CDC42BPA: variants seen among roughly 807,000 people sequenced by gnomAD.
CDC42BPA encodes the protein CDC42 binding protein kinase alpha, also known as serine/threonine-protein kinase MRCK alpha.
Under a neutral mutation model 223.5 loss-of-function variants are expected in CDC42BPA, and 80 were observed. The observed-to-expected ratio is 0.36, with a 90% CI of 0.30 to 0.43. The LOEUF (loss-of-function observed/expected upper bound fraction) is 0.43. Among genes scored for constraint, CDC42BPA ranks in the 20% least tolerant of loss-of-function variants. CDC42BPA has a pLI of 1.00. For synonymous variants in CDC42BPA, 694 were observed against 718.6 expected (o/e 0.97, Z 0.55); for missense variants, 1,743 against 2,099.9 (o/e 0.83, Z 3.32).
intron 1 of CDC42BPA, among the ~76,000 whole-genome samples, chr1:227,281,569 T>A (rs2148574095): frequency 6.6e-6 from 1 of 152,240 alleles, no homozygotes; most frequent in African/African-American, 2.4e-5. Flanking sequence ...CTCCAGCTGG[T>A]CAGTCTCCTG....
At position 226,992,995 on chromosome 1, in the gene CDC42BPA, T is replaced by G. The variant is rs1660935604; in HGVS notation, c.*1273A>C. 6.6e-6 allele frequency: 1 copy of G among 152,240 alleles called. No homozygotes were observed. The highest frequency in any genetic ancestry group is 1.5e-5 in the Non-Finnish European group (1 of 68,046). The allele number at this position is 152,240 out of a possible 1,614,324, so 9.4% of individuals were successfully genotyped here. ...CTGGCTATGGGGAATAATATTTGGT[T>G]AAGGCTGTTGAAGCCCTTGCTTTTG... On this transcript the variant is annotated 3_prime_UTR_variant, in exon 37 of 37. Transcript: ENST00000366766.
intron 1 of CDC42BPA, among the ~76,000 whole-genome samples, chr1:227,289,568 T>TCC: frequency 6.6e-6 from 1 of 152,146 alleles, no homozygotes; most frequent in African/African-American, 2.4e-5. Context: ...TTTCCTGACC[T>TCC]CCCCCCAAAT....
At chr1:227,086,537 T>G (rs1213164080) in intron 16 of CDC42BPA, among the ~76,000 whole-genome samples, 4 of 152,196 alleles carry the variant, frequency 2.6e-5, no homozygotes, top group African/African-American at 9.6e-5. Context: ...AGCAGTATCT[T>G]GCTGTGGTTT....
At chr1:227,269,652 C>T (rs973379154) in intron 1 of CDC42BPA, among the ~76,000 whole-genome samples, 1 of 151,974 alleles carries the variant, frequency 6.6e-6, no homozygotes, top group African/African-American at 2.4e-5. Context: ...ATAGAACATA[C>T]AGATTTTACA....
At chr1:227,308,570 C>T (rs1416273589) in intron 1 of CDC42BPA, among the ~76,000 whole-genome samples, 1 of 150,286 alleles carries the variant, frequency 6.7e-6, no homozygotes, top group Non-Finnish European at 1.5e-5. Context: ...CATAAATCAC[C>T]AGAAAAGGAA....
At chr1:227,229,099 A>G (rs1346108187) in intron 2 of CDC42BPA, among the ~76,000 whole-genome samples, 1 of 152,172 alleles carries the variant, frequency 6.6e-6, no homozygotes, top group Non-Finnish European at 1.5e-5. Flanking sequence ...GCCTAAGCCA[A>G]GGTCACAAAA....
chr1:227,228,035 T>C (rs543519361), intron 2 of CDC42BPA, among the ~76,000 whole-genome samples: 8 of 152,274 alleles, frequency 5.3e-5, no homozygotes, highest in Non-Finnish European at 8.8e-5. Flanking sequence ...ACACTGCATG[T>C]TCTCACTTAT....
At chr1:227,048,062 T>C in intron 22 of CDC42BPA, 52 bp from the exon 23 acceptor site, 1 of 1,082,154 alleles carries the variant, frequency 9.2e-7, no homozygotes. Context: ...CTCCATTAAT[T>C]TCAAATATAA....
intron 2 of CDC42BPA, among the ~76,000 whole-genome samples, chr1:227,240,718 G>A (rs532940786): frequency 9.9e-5 from 15 of 151,314 alleles, no homozygotes; most frequent in South Asian, 2.1e-4. Context: ...TCTCAATGCC[G>A]ATATCACATC....
chr1:227,286,747 C>T lies in CDC42BPA; in HGVS notation c.178+30258G>A, dbSNP rs191041100. ...TTACAAAGAGATTTATTTTGGCTCACAGTTCTGCAAGCTGTACAAAAAAGC... is the reference window on the plus strand; with the variant it reads ...TTACAAAGAGATTTATTTTGGCTCATAGTTCTGCAAGCTGTACAAAAAAGC... On this transcript the variant is annotated intron_variant, in intron 1 of 36. Transcript: ENST00000366766. Among the ~76,000 whole-genome samples the T allele has an allele frequency of 1.4e-4, 21 of 152,280 alleles. No homozygotes were observed. In the East Asian group the frequency reaches 3.9e-3, roughly 28 times the overall value.
intron 23 of CDC42BPA, among the ~76,000 whole-genome samples, chr1:227,041,996 ATAC>A (rs1671470172): frequency 6.6e-6 from 1 of 152,194 alleles, no homozygotes; most frequent in African/African-American, 2.4e-5. Flanking sequence ...TTTCTCCTGT[ATAC>A]TACTTTTTAA....
chr1:227,065,069 C>G (rs1676727697), intron 21 of CDC42BPA, among the ~76,000 whole-genome samples: 1 of 148,466 alleles, frequency 6.7e-6, no homozygotes, highest in Non-Finnish European at 1.5e-5. Context: ...TGCACTCCAG[C>G]CTGTGTGAGA....
chr1:227,124,189 A>G (rs1056646498), intron 11 of CDC42BPA, among the ~76,000 whole-genome samples: 29 of 152,146 alleles, frequency 1.9e-4, no homozygotes, highest in Admixed American at 1.7e-3. Flanking sequence ...AGCTCAGAGT[A>G]TGGTAAAGAA....
intron 16 of CDC42BPA, among the ~76,000 whole-genome samples, chr1:227,087,848 C>T (rs1682292477): frequency 6.6e-6 from 1 of 152,150 alleles, no homozygotes; most frequent in Non-Finnish European, 1.5e-5. Flanking sequence ...AGTCTATCAG[C>T]TGTTTTTGAG....
intron 1 of CDC42BPA, among the ~76,000 whole-genome samples, chr1:227,267,281 C>G (rs1407194131): frequency 6.6e-6 from 1 of 152,120 alleles, no homozygotes; most frequent in African/African-American, 2.4e-5. Flanking sequence ...AAATACATAA[C>G]AGAATACATA....
chr1:227,106,345 T>C (rs1685922960), intron 14 of CDC42BPA, among the ~76,000 whole-genome samples: 1 of 152,210 alleles, frequency 6.6e-6, no homozygotes, highest in Non-Finnish European at 1.5e-5. Flanking sequence ...TAAATTGTTA[T>C]CACATATATG....
chr1:227,096,131 T>C (rs1311926069), intron 15 of CDC42BPA, among the ~76,000 whole-genome samples: 2 of 152,104 alleles, frequency 1.3e-5, no homozygotes, highest in Non-Finnish European at 2.9e-5. Flanking sequence ...AAATGACAAA[T>C]TCAAGGAAAA....
chr1:227,240,130 T>C lies in CDC42BPA; in HGVS notation c.270+13934A>G, dbSNP rs193037429. Among the ~76,000 whole-genome samples, 186 of 152,240 alleles carry C rather than the reference T, an allele frequency of 1.2e-3. 5 individuals are homozygous for C. The East Asian group carries it at 0.027, about 22-fold the overall frequency. On this transcript the variant is annotated intron_variant, in intron 2 of 36. Coordinates refer to ENST00000366766, the MANE Select transcript of CDC42BPA (RefSeq NM_001394014.1). ...AAAAATCAACTATATTATCTACATA[T>C]TAGCAGCATAGTGTTTGAATGTAAA...
chr1:227,012,740 A>G (rs971091841), intron 34 of CDC42BPA, among the ~76,000 whole-genome samples: 1 of 152,166 alleles, frequency 6.6e-6, no homozygotes, highest in Admixed American at 6.5e-5. Flanking sequence ...ACAGTTTGTA[A>G]TAATTCCATT....
Sources: gnomAD v4.1 joint callset for allele counts (sites outside exome capture counted in the v4.1 genomes callset) on GRCh38, gnomAD v4.1.1 for gene constraint, MANE v1.5 for transcripts, NCBI Gene and HGNC (gene_info 2026-07-23, HGNC 2026-07-21) for gene names.